RYR3: variants seen among roughly 807,000 people sequenced by gnomAD.
RYR3 encodes the protein brain ryanodine receptor-calcium release channel.
A neutral mutation model predicts 584.3 loss-of-function variants in RYR3; 207 were observed. The observed-to-expected ratio is 0.35, with a 90% CI of 0.32 to 0.40. The LOEUF (loss-of-function observed/expected upper bound fraction) is 0.40, where lower values mean the gene tolerates loss of function less well. Ranked by LOEUF, RYR3 falls within the 10% of genes least tolerant of loss-of-function variation. RYR3 has a pLI of 1.00. For synonymous variants in RYR3, 2,416 were observed against 2,248.5 expected (o/e 1.07, Z -2.11); for missense variants, 5,616 against 6,089.2 (o/e 0.92, Z 2.59).
chr15:33,363,956 A>G (rs1227676585), intron 1 of RYR3, among the ~76,000 whole-genome samples: 2 of 152,236 alleles, frequency 1.3e-5, no homozygotes, highest in African/African-American at 4.8e-5. Flanking sequence ...GGATATATGA[A>G]TCTACTTTTT....
At chr15:33,545,441 A>C (rs981110938) in intron 8 of RYR3, among the ~76,000 whole-genome samples, 2 of 152,150 alleles carry the variant, frequency 1.3e-5, no homozygotes, top group African/African-American at 4.8e-5. Context: ...TTAAATAAAC[A>C]TGAAGGTGAC....
chr15:33,312,859 GT>G (rs376000158), intron 1 of RYR3, among the ~76,000 whole-genome samples: 1 of 152,156 alleles, frequency 6.6e-6, no homozygotes, highest in Non-Finnish European at 1.5e-5. Flanking sequence ...CATTGTAAGT[GT>G]TTTTTGTTTT....
At chr15:33,354,523 G>A (rs1244593642) in intron 1 of RYR3, among the ~76,000 whole-genome samples, 2 of 152,196 alleles carry the variant, frequency 1.3e-5, no homozygotes, top group East Asian at 1.9e-4. Flanking sequence ...AAACTGCTAA[G>A]TGTCAAGTAT....
chr15:33,813,188 CA>C (rs1795668449), intron 73 of RYR3, among the ~76,000 whole-genome samples, 194 bp downstream of exon 73: 1 of 152,212 alleles, frequency 6.6e-6, no homozygotes, highest in South Asian at 2.1e-4. Context: ...TTTCCCCTGC[CA>C]GTGTTTTGTG....
rs531084938 is a variant in RYR3, at chr15:33,649,083, C to T, written c.3990C>T (p.Tyr1330=). The T allele has an allele frequency of 5.8e-5, 94 of 1,613,168 alleles. No individual in the cohort carries two copies. Among genetic ancestry groups the T allele is most frequent in the East Asian group, 3.8e-4 (17 of 44,882 alleles). ...CGGTCTCTCCACAGCAGTGCTACTA[C>T]GCCATCCGCATCTTTGCTGGACAGG... The part of the protein sequence containing the change: ...ILSHTTTQCY[Y]AIRIFAGQDP... Residue 1330 remains tyrosine (Y), a synonymous_variant, in exon 31 of 104, where the codon TAC becomes TAT. Coordinates refer to ENST00000634891, the MANE Select transcript of RYR3 (RefSeq NM_001036.6).
At chr15:33,695,400 A>G (rs1467588152) in intron 38 of RYR3, among the ~76,000 whole-genome samples, 1 of 152,000 alleles carries the variant, frequency 6.6e-6, no homozygotes, top group Admixed American at 6.5e-5. Context: ...CAGTTCAGTG[A>G]TCTTTCCTTT....
At chr15:33,365,903 C>A (rs1297786953) in intron 1 of RYR3, among the ~76,000 whole-genome samples, 1 of 152,136 alleles carries the variant, frequency 6.6e-6, no homozygotes, top group Non-Finnish European at 1.5e-5. Context: ...AAAGTTATCT[C>A]AGAGTAGTTT....
At position 33,770,415 on chromosome 15, in the gene RYR3, G is replaced by T. The variant is rs78483746; in HGVS notation, c.8816+1243G>T. On this transcript the variant is annotated intron_variant, in intron 62 of 103. Coordinates refer to ENST00000634891, the MANE Select transcript of RYR3 (RefSeq NM_001036.6). The stretch of plus-strand genomic sequence containing the variant: ...TGTTTTAAATGAAGGTCAGTTGCAG[G>T]TTGGTGTGTTTAGTAATTATTCCTG... 1.4e-3 allele frequency among the ~76,000 whole-genome samples: 216 copies of T among 152,258 alleles called. 4 individuals carry two copies. In the East Asian group the frequency reaches 0.038, roughly 27 times the overall value.
chr15:33,651,061 A>T (rs1369060649), intron 31 of RYR3, among the ~76,000 whole-genome samples: 4 of 152,314 alleles, frequency 2.6e-5, no homozygotes, highest in Non-Finnish European at 4.4e-5. Context: ...TACAAGATTG[A>T]TTACTTCATT....
chr15:33,592,200 A>G (rs1943740015), intron 16 of RYR3, among the ~76,000 whole-genome samples: 1 of 151,892 alleles, frequency 6.6e-6, no homozygotes, highest in Admixed American at 6.6e-5. Flanking sequence ...TTCTCATATG[A>G]CTCTCCAAGG....
At chr15:33,415,707 C>T (rs1187592307) in intron 1 of RYR3, among the ~76,000 whole-genome samples, 1 of 151,962 alleles carries the variant, frequency 6.6e-6, no homozygotes, top group Non-Finnish European at 1.5e-5. Context: ...AATTTATTTC[C>T]TTTTTTTAAA....
intron 16 of RYR3, among the ~76,000 whole-genome samples, chr15:33,598,815 A>C (rs562019541): frequency 2.0e-4 from 30 of 152,070 alleles, no homozygotes; most frequent in Non-Finnish European, 3.8e-4. Context: ...GCACTTTGGG[A>C]GGCTGAGGCG....
chr15:33,808,704 A>G (rs1470230355), intron 70 of RYR3, among the ~76,000 whole-genome samples: 1 of 152,240 alleles, frequency 6.6e-6, no homozygotes, highest in Non-Finnish European at 1.5e-5. Context: ...TGAGGAGCCC[A>G]GCAAGCACTC....
At chr15:33,805,370 T>C (rs534158254) in intron 69 of RYR3, among the ~76,000 whole-genome samples, 12 of 152,174 alleles carry the variant, frequency 7.9e-5, no homozygotes, top group Non-Finnish European at 1.5e-4. Context: ...TTTTTGAAGC[T>C]ATCTTTGAGT....
At chr15:33,571,619 T>G (rs2058032131) in intron 12 of RYR3, among the ~76,000 whole-genome samples, 1 of 152,220 alleles carries the variant, frequency 6.6e-6, no homozygotes, top group African/African-American at 2.4e-5. Flanking sequence ...GTGTCTTGAA[T>G]GTGCAGATTA....
chr15:33,695,591 G>A (rs2065786937), intron 38 of RYR3, among the ~76,000 whole-genome samples: 1 of 152,150 alleles, frequency 6.6e-6, no homozygotes, highest in African/African-American at 2.4e-5. Flanking sequence ...ATGATGCTCA[G>A]ATGTCCCGTT....
chr15:33,418,972 A>G (rs1344406677), intron 1 of RYR3, among the ~76,000 whole-genome samples: 1 of 152,130 alleles, frequency 6.6e-6, no homozygotes, highest in African/African-American at 2.4e-5. Flanking sequence ...GTGCAGGCAA[A>G]CACAGAAAGG....
Position 33,407,286 on chromosome 15 carries a change from T to C in RYR3, c.52-66133T>C, listed in dbSNP as rs187734562. 1.7e-3 allele frequency among the ~76,000 whole-genome samples: 264 copies of C among 152,260 alleles called. 5 individuals are homozygous for C. In the South Asian group the frequency reaches 0.031, roughly 18 times the overall value. ...GAGGACATAATTGTTCCAACTATAG[T>C]AGAGGGTGACGAAGTAAATACATAA... On this transcript the variant is annotated intron_variant, in intron 1 of 103. Coordinates refer to ENST00000634891, the MANE Select transcript of RYR3 (RefSeq NM_001036.6).
chr15:33,332,207 G>C (rs766592722), intron 1 of RYR3, among the ~76,000 whole-genome samples: 3 of 152,002 alleles, frequency 2.0e-5, no homozygotes, highest in Non-Finnish European at 1.5e-5. Context: ...TTCTCAGAAT[G>C]GATACATAAA....
Sources: allele counts gnomAD v4.1 joint callset (sites outside exome capture counted in the v4.1 genomes callset), GRCh38; gene constraint gnomAD v4.1.1; transcripts MANE v1.5; gene names NCBI Gene and HGNC (gene_info 2026-07-23, HGNC 2026-07-21).